ATG2B: variants seen among roughly 807,000 people sequenced by gnomAD.
ATG2B encodes autophagy-related protein 2 homolog B.
In ATG2B, 121 loss-of-function variants were observed where a neutral mutation model predicts 241.3. That is an observed-to-expected ratio of 0.50 (90% CI 0.43 to 0.58). ATG2B has a LOEUF of 0.58. ATG2B is among the 20% of genes least tolerant of loss of function. The pLI, the probability that ATG2B is intolerant of heterozygous loss-of-function variation, is 0.00. For synonymous variants in ATG2B, 858 were observed against 876.6 expected (o/e 0.98, Z 0.37); for missense variants, 2,306 against 2,491.6 (o/e 0.93, Z 1.59).
At chr14:96,327,963 G>A (rs1331300512) in intron 14 of ATG2B, among the ~76,000 whole-genome samples, 2 of 152,108 alleles carry the variant, frequency 1.3e-5, no homozygotes, top group Non-Finnish European at 2.9e-5. Context: ...GATTACAGGT[G>A]TGTGCCACCA....
chr14:96,302,942 T>C (rs1018920914), intron 33 of ATG2B, 119 bp downstream of exon 33: 7 of 794,440 alleles, frequency 8.8e-6, no homozygotes, highest in Middle Eastern at 7.9e-4. Context: ...AAGGGACTTT[T>C]CACATTAAAA....
chr14:96,336,669 C>G (rs1451528222), intron 6 of ATG2B, among the ~76,000 whole-genome samples: 1 of 151,966 alleles, frequency 6.6e-6, no homozygotes, highest in African/African-American at 2.4e-5. Flanking sequence ...TATAATTAAC[C>G]AAAACAGAAC....
intron 23 of ATG2B, among the ~76,000 whole-genome samples, chr14:96,314,227 A>C (rs1324134897): frequency 6.6e-6 from 1 of 152,234 alleles, no homozygotes; most frequent in Non-Finnish European, 1.5e-5. Context: ...TTTTTAAATA[A>C]TGTATTATTT....
Position 96,289,083 on chromosome 14 carries a change from A to C in ATG2B, c.6006+573T>G, listed in dbSNP as rs1018110589. On this transcript the variant is annotated intron_variant, in intron 41 of 41. Transcript: ENST00000359933. The surrounding 1 kb of genome is among the most constrained non-coding windows in gnomAD (Gnocchi z 4.3). The stretch of plus-strand genomic sequence containing the variant: ...TGTGGAAATTAGACCTACATGGATT[A>C]AGATTAACATGGATCTATCTTGAAA... Among the ~76,000 whole-genome samples, 2 of 152,084 alleles carry C rather than the reference A, an allele frequency of 1.3e-5. No individual in the cohort carries two copies. Among genetic ancestry groups the C allele is most frequent in the Non-Finnish European group, 2.9e-5 (2 of 68,052 alleles).
intron 29 of ATG2B, among the ~76,000 whole-genome samples, chr14:96,308,268 ATATATATATATATATTTTTT>A (rs1887044734): frequency 2.6e-4 from 4 of 15,346 alleles, no homozygotes; most frequent in African/African-American, 4.6e-4. Context: ...ATATATATAT[ATATATATATATATATTTTTT>A]TTTTTTTTTT....
intron 14 of ATG2B, among the ~76,000 whole-genome samples, chr14:96,328,000 T>C (rs1415760521): frequency 6.6e-6 from 1 of 152,164 alleles, no homozygotes. Context: ...GTATTTTTAG[T>C]AGAGACAGAG....
chr14:96,334,528 T>A lies in ATG2B; in HGVS notation c.925-27A>T, dbSNP rs1407507513. ...TTAAGGGAAAAAAAAAAACTATTCA[T>A]GAGGAGTATTCTTTATAACCTTATC... On this transcript the variant is annotated intron_variant, in intron 6 of 41. Transcript: ENST00000359933. 3.7e-6 allele frequency: 5 copies of A among 1,350,698 alleles called. No homozygotes were observed. In the East Asian group the frequency reaches 1.2e-4, roughly 31 times the overall value. 83.7% of individuals were successfully genotyped at this position (1,350,698 alleles called of 1,614,324 possible).
chr14:96,334,002 G>C (rs117394143), intron 7 of ATG2B, 129 bp from the exon 8 acceptor site: 1 of 751,970 alleles, frequency 1.3e-6, no homozygotes, highest in African/African-American at 1.8e-5. Flanking sequence ...CTGCTATTTA[G>C]TGAGTCAGAG....
chr14:96,324,047 AAAG>A (rs1399267069), intron 15 of ATG2B, 49 bp from the exon 16 acceptor site: 2 of 1,265,032 alleles, frequency 1.6e-6, no homozygotes, highest in East Asian at 2.4e-5. Context: ...TCAAGTACTA[AAAG>A]AAGAGATGGA....
At position 96,309,544 on chromosome 14, in the gene ATG2B, T is replaced by G. The variant is rs1887092784; in HGVS notation, c.4212A>C (p.Ala1404=). 1 of 1,614,170 alleles carries G rather than the reference T, an allele frequency of 6.2e-7. No homozygotes were observed. Among genetic ancestry groups the G allele is most frequent in the Non-Finnish European group, 8.5e-7 (1 of 1,179,992 alleles). ...TCAGATCTCGTAACATTTGTTGATC[T>G]GCTTCAGGAAGTACTGGACCACGTG... The part of the protein sequence containing the change: ...SSSRGPVLPE[A]DQQMLRDLMS... Residue 1404 remains alanine (A), a synonymous_variant, in exon 29 of 42, where the codon GCA becomes GCC. Coordinates refer to ENST00000359933, the MANE Select transcript of ATG2B (RefSeq NM_018036.7).
intron 18 of ATG2B, among the ~76,000 whole-genome samples, chr14:96,320,948 T>C (rs1267905095): frequency 2.0e-5 from 3 of 152,158 alleles, no homozygotes; most frequent in African/African-American, 7.2e-5. Flanking sequence ...GAATTGAATA[T>C]ACATTAGGTG....
chr14:96,359,433 T>C (rs945300262), intron 1 of ATG2B, among the ~76,000 whole-genome samples: 7 of 152,196 alleles, frequency 4.6e-5, no homozygotes, highest in Non-Finnish European at 8.8e-5. Context: ...GTGTATCTTC[T>C]TGAGCTCCTG....
rs1462068234 is a variant in ATG2B, at chr14:96,315,395, A to C, written c.3550T>G (p.Ser1184Ala). Residue 1184 changes from serine (S) to alanine (A), a missense_variant, in exon 22 of 42, where the codon TCC (serine) becomes GCC (alanine). By Grantham distance (99) the Ser-to-Ala change is moderately conservative. This residue lies in a region of ATG2B where 1,927 missense variants were observed against 2,011.2 expected (regional missense o/e 0.96). Coordinates refer to ENST00000359933, the MANE Select transcript of ATG2B (RefSeq NM_018036.7). ...TACAAAACACAAACCTTTGTATTGG[A>C]CTCTGATTTATCAGACAATATTTTA... Reference protein sequence around the residue: ...AVKILSDKSESNTKEFLIAVG... With the variant: ...AVKILSDKSEANTKEFLIAVG... The C allele has an allele frequency of 2.5e-6, 4 of 1,613,864 alleles. No homozygotes were observed. The highest frequency in any genetic ancestry group is 2.7e-5 in the African/African-American group (2 of 74,930).
rs561767187 is a variant in ATG2B, at chr14:96,283,864, C to G, written c.*1891G>C. 1.3e-5 allele frequency: 2 copies of G among 152,064 alleles called. No individual in the cohort carries two copies. Among genetic ancestry groups the G allele is most frequent in the African/African-American group, 4.8e-5 (2 of 41,378 alleles). The allele number at this position is 152,064 out of a possible 1,614,324, so 9.4% of individuals were successfully genotyped here. The stretch of plus-strand genomic sequence containing the variant: ...CGACAACAGGTGCAGGAGGGTAGAA[C>G]AAAGAAAGAACCGCGGAGATTACAT... On this transcript the variant is annotated 3_prime_UTR_variant, in exon 42 of 42. Coordinates refer to ENST00000359933, the MANE Select transcript of ATG2B (RefSeq NM_018036.7).
intron 36 of ATG2B, among the ~76,000 whole-genome samples, chr14:96,294,025 C>A (rs542059891): frequency 6.6e-6 from 1 of 152,226 alleles, no homozygotes; most frequent in East Asian, 1.9e-4. Context: ...CCTTCTTTGG[C>A]GGTGGAAAGA....
At chr14:96,315,912 A>C (rs1887297897) in intron 21 of ATG2B, among the ~76,000 whole-genome samples, 2 of 152,230 alleles carry the variant, frequency 1.3e-5, no homozygotes, top group African/African-American at 4.8e-5. Flanking sequence ...ACCAAAAGGA[A>C]ATATTCCTTA....
chr14:96,308,277 T>C (rs1485429028), intron 29 of ATG2B, among the ~76,000 whole-genome samples: 5 of 40,962 alleles, frequency 1.2e-4, no homozygotes, highest in South Asian at 7.5e-4. Flanking sequence ...TATATATATA[T>C]ATATATTTTT....
intron 34 of ATG2B, among the ~76,000 whole-genome samples, chr14:96,301,680 T>C (rs1886794967): frequency 6.6e-6 from 1 of 152,320 alleles, no homozygotes; most frequent in East Asian, 1.9e-4. Flanking sequence ...CAGCATTCAA[T>C]TCATCAGGGA....
chr14:96,357,431 T>C (rs767552796), intron 1 of ATG2B, among the ~76,000 whole-genome samples: 8 of 152,214 alleles, frequency 5.3e-5, no homozygotes, highest in Admixed American at 2.0e-4. Flanking sequence ...AATCTTCCTA[T>C]ACGTATATTC....
Sources: gnomAD v4.1 joint callset for allele counts (sites outside exome capture counted in the v4.1 genomes callset) on GRCh38, gnomAD v4.1.1 for gene constraint, gnomAD v4.1.1 regional missense constraint, Gnocchi (gnomAD v3.1) non-coding constraint, MANE v1.5 for transcripts, NCBI Gene and HGNC (gene_info 2026-07-23, HGNC 2026-07-21) for gene names.